The following NPTN variants were observed in gnomAD, a reference collection of about 807,000 sequenced individuals.
NPTN encodes the protein neuroplastin, also known as SDR-1.
In NPTN, 5 loss-of-function variants were observed where a neutral mutation model predicts 42.7. The observed-to-expected ratio is 0.12, with a 90% CI of 0.06 to 0.25. The LOEUF (loss-of-function observed/expected upper bound fraction) is 0.25. Among genes scored for constraint, NPTN ranks in the 10% least tolerant of loss-of-function variants. The pLI is 1.00. For synonymous variants in NPTN, 180 were observed against 201.9 expected, an observed-to-expected ratio of 0.89 and a Z score of 0.92; for missense variants, 307 against 525.4, an observed-to-expected ratio of 0.58 and a Z score of 4.06.
intron 7 of NPTN, among the ~76,000 whole-genome samples, chr15:73,562,695 C>T (rs1894753163): frequency 1.3e-5 from 2 of 152,164 alleles, no homozygotes; most frequent in Non-Finnish European, 2.9e-5. Flanking sequence ...ACAGTTTATC[C>T]AGGCTATAGT....
chr15:73,594,894 T>A (rs1304432903), intron 2 of NPTN, among the ~76,000 whole-genome samples: 1 of 151,296 alleles, frequency 6.6e-6, no homozygotes, highest in Admixed American at 6.6e-5. Flanking sequence ...TAGAGCAATG[T>A]CTTTTGGGAC....
At chr15:73,614,760 T>A (rs1897779950) in intron 1 of NPTN, among the ~76,000 whole-genome samples, 1 of 152,200 alleles carries the variant, frequency 6.6e-6, no homozygotes. Context: ...GTCATGTTAA[T>A]AAATGTATAA....
At chr15:73,561,628 C>T (rs1319017438) in intron 8 of NPTN, among the ~76,000 whole-genome samples, 6 of 151,736 alleles carry the variant, frequency 4.0e-5, no homozygotes, top group Admixed American at 6.6e-5. Flanking sequence ...TGCAGTGAGC[C>T]GAGATCACAC....
At chr15:73,601,253 T>G (rs1282809469) in intron 1 of NPTN, among the ~76,000 whole-genome samples, 5 of 151,406 alleles carry the variant, frequency 3.3e-5, no homozygotes, top group Admixed American at 1.3e-4. Context: ...CTAAACAAAC[T>G]AAGGAATTCC....
chr15:73,613,024 C>A (rs1048483796), intron 1 of NPTN, among the ~76,000 whole-genome samples: 31 of 152,270 alleles, frequency 2.0e-4, no homozygotes, highest in African/African-American at 6.3e-4. Flanking sequence ...TCTGACAGGG[C>A]AACAGGCACA....
At position 73,633,160 on chromosome 15, in the gene NPTN, C is replaced by A; in HGVS notation, c.56G>T (p.Gly19Val). ...ALALSLLLVS[G>V]SLLPGPGAAQ... Reference sequence around the variant, plus strand: ...GGCGCCTGGCCCTGGGAGGAGGGAGCCAGAGACCAGCAACAGCGAGAGGGC... The same window carrying A: ...GGCGCCTGGCCCTGGGAGGAGGGAGACAGAGACCAGCAACAGCGAGAGGGC... The change falls in exon 1 of 9, where the codon GGC becomes GTC. Residue 19 changes from glycine to valine, a missense_variant. By Grantham distance (109) the Gly-to-Val change is moderately radical (BLOSUM62 -3). Transcript: ENST00000345330. 6.6e-7 allele frequency: 1 copy of A among 1,512,606 alleles called. No homozygotes were observed. The highest frequency in any genetic ancestry group is 8.8e-7 in the Non-Finnish European group (1 of 1,137,282). The allele number at this position is 1,512,606 out of a possible 1,614,324, so 93.7% of individuals were successfully genotyped here.
intron 7 of NPTN, 101 bp from the exon 8 acceptor site, chr15:73,562,071 T>G: frequency 1.2e-6 from 1 of 848,664 alleles, no homozygotes; most frequent in Non-Finnish European, 1.9e-6. Flanking sequence ...CTGCCATCCC[T>G]GGTGTAGTGA....
chr15:73,566,881 C>T (rs141095176), intron 6 of NPTN: 11 of 281,152 alleles, frequency 3.9e-5, no homozygotes, highest in African/African-American at 2.1e-4. Context: ...ACCTACAAGA[C>T]AACCTAGTGG....
intron 4 of NPTN, among the ~76,000 whole-genome samples, chr15:73,581,112 C>G (rs2141378733): frequency 1.3e-5 from 2 of 152,282 alleles, no homozygotes; most frequent in Middle Eastern, 6.8e-3. Context: ...ATACTGATTA[C>G]TATGTGCTCT....
intron 3 of NPTN, among the ~76,000 whole-genome samples, chr15:73,590,018 T>C (rs377727845): frequency 6.6e-6 from 1 of 151,828 alleles, no homozygotes; most frequent in Admixed American, 6.5e-5. Flanking sequence ...AACTCAGCCC[T>C]GAACTTAAGA....
chr15:73,617,649 T>C (rs1897926135), intron 1 of NPTN, among the ~76,000 whole-genome samples: 1 of 152,240 alleles, frequency 6.6e-6, no homozygotes, highest in South Asian at 2.1e-4. Context: ...TCTTTAGTTC[T>C]TTCTGTGACA....
chr15:73,578,590 G>C (rs1293366655), intron 4 of NPTN, among the ~76,000 whole-genome samples: 1 of 152,114 alleles, frequency 6.6e-6, no homozygotes, highest in Non-Finnish European at 1.5e-5. Context: ...TTTTTTGTTT[G>C]CTTAATCTTA....
intron 1 of NPTN, among the ~76,000 whole-genome samples, chr15:73,605,866 T>A (rs1158335602): frequency 1.3e-5 from 2 of 152,062 alleles, no homozygotes. Flanking sequence ...CATGGACTCT[T>A]AACAGATTGA....
At chr15:73,592,713 A>C (rs1020606057) in intron 2 of NPTN, among the ~76,000 whole-genome samples, 3 of 152,192 alleles carry the variant, frequency 2.0e-5, no homozygotes, top group African/African-American at 7.2e-5. Flanking sequence ...GCATTTTCCA[A>C]ATTTTGTGGA....
At chr15:73,626,070 A>G (rs1168770378) in intron 1 of NPTN, among the ~76,000 whole-genome samples, 19 of 152,328 alleles carry the variant, frequency 1.2e-4, no homozygotes, top group Admixed American at 9.1e-4. Flanking sequence ...AAAAATGCAT[A>G]AGGGACTGCA....
chr15:73,583,925 T>C (rs533240984), intron 4 of NPTN, among the ~76,000 whole-genome samples: 13 of 152,322 alleles, frequency 8.5e-5, no homozygotes, highest in African/African-American at 2.9e-4. Flanking sequence ...TCTGGATTAA[T>C]ATGTCACTTG....
intron 3 of NPTN, among the ~76,000 whole-genome samples, chr15:73,589,354 A>T (rs1313826586): frequency 6.6e-6 from 1 of 152,008 alleles, no homozygotes; most frequent in African/African-American, 2.4e-5. Context: ...AAAAAAGAAA[A>T]AGTAGTATAT....
intron 3 of NPTN, among the ~76,000 whole-genome samples, chr15:73,590,274 G>A (rs555978675): frequency 2.0e-5 from 3 of 152,150 alleles, no homozygotes; most frequent in African/African-American, 7.2e-5. Context: ...ACGAAATGTA[G>A]AATCCCTGAA....
intron 1 of NPTN, among the ~76,000 whole-genome samples, chr15:73,627,303 T>G (rs1358684778): frequency 6.6e-6 from 1 of 152,180 alleles, no homozygotes; most frequent in Non-Finnish European, 1.5e-5. Context: ...TAGTTAAGAT[T>G]ATTTGGTAGG....
Sources: gnomAD v4.1 joint callset for allele counts (sites outside exome capture counted in the v4.1 genomes callset) on GRCh38, gnomAD v4.1.1 for gene constraint, MANE v1.5 for transcripts, NCBI Gene and HGNC (gene_info 2026-07-23, HGNC 2026-07-21) for gene names.